CCDC82: variants seen among roughly 807,000 people sequenced by gnomAD.
The protein encoded by CCDC82 is coiled-coil domain-containing protein 82.
A neutral mutation model predicts 60.6 loss-of-function variants in CCDC82; 47 were observed. The ratio of observed to expected loss-of-function variants is 0.77; its 90% CI spans 0.61 to 0.99. The LOEUF is 0.99. Ranked by LOEUF, CCDC82 falls within the 50% of genes least tolerant of loss-of-function variation. The pLI, the probability that CCDC82 is intolerant of heterozygous loss-of-function variation, is 0.00. For synonymous variants in CCDC82, 212 were observed against 207.4 expected, an observed-to-expected ratio of 1.02 and a Z score of -0.19; for missense variants, 588 against 633.0, an observed-to-expected ratio of 0.93 and a Z score of 0.76.
intron 9 of CCDC82, 140 bp from the exon 10 acceptor site, chr11:96,353,854 T>C: frequency 1.7e-6 from 1 of 579,408 alleles, no homozygotes; most frequent in Non-Finnish European, 3.0e-6. Flanking sequence ...AAACAGGAAC[T>C]TAATTTCAAA....
chr11:96,374,423 C>T (rs1272653489), intron 5 of CCDC82, among the ~76,000 whole-genome samples: 1 of 152,150 alleles, frequency 6.6e-6, no homozygotes, highest in Non-Finnish European at 1.5e-5. Context: ...AACTCTCTTT[C>T]AGACTTTAGG....
intron 9 of CCDC82, chr11:96,356,848 T>C: frequency 3.0e-6 from 3 of 985,220 alleles, no homozygotes; most frequent in Non-Finnish European, 3.6e-6. Context: ...CCTGAGATAA[T>C]TAAAGTAAAA....
chr11:96,377,908 C>T (rs1057308927), intron 5 of CCDC82, among the ~76,000 whole-genome samples: 1 of 151,958 alleles, frequency 6.6e-6, no homozygotes, highest in South Asian at 2.1e-4. Flanking sequence ...TCTATAATAA[C>T]CTTGAATTCA....
intron 8 of CCDC82, chr11:96,363,109 C>G (rs185391937): frequency 2.0e-5 from 3 of 152,146 alleles, no homozygotes; most frequent in Middle Eastern, 3.4e-3. Flanking sequence ...GTGCCCGCCA[C>G]CTCTCTCGGC....
rs1864425665 is a variant in CCDC82 at position 96,357,846 on chromosome 11, G to A, written c.1566+1147C>T. On this transcript the variant is annotated intron_variant, in intron 9 of 9. Transcript: ENST00000646818. ...AAATGAAAAAGTACGGATAAGCAGG[G>A]AGAAGCATTTGGAGTAGGAGAAGTA... 3 of 985,280 alleles carry A rather than the reference G, an allele frequency of 3.0e-6. No individual in the cohort carries two copies. The South Asian group carries it at 1.4e-4, about 46-fold the overall frequency. The allele number at this position is 985,280 out of a possible 1,614,324, so 61.0% of individuals were successfully genotyped here.
At chr11:96,380,255 C>A (rs1865797284) in intron 5 of CCDC82, among the ~76,000 whole-genome samples, 1 of 151,574 alleles carries the variant, frequency 6.6e-6, no homozygotes, top group Non-Finnish European at 1.5e-5. Context: ...ATGGAACATG[C>A]CAACTCAAAG....
At chr11:96,378,940 T>G (rs992729463) in intron 5 of CCDC82, among the ~76,000 whole-genome samples, 1 of 151,994 alleles carries the variant, frequency 6.6e-6, no homozygotes, top group African/African-American at 2.4e-5. Context: ...AAATGGCAGA[T>G]AGGAAATTAC....
At chr11:96,361,591 T>C (rs988339059) in intron 8 of CCDC82, among the ~76,000 whole-genome samples, 1 of 152,200 alleles carries the variant, frequency 6.6e-6, no homozygotes, top group African/African-American at 2.4e-5. Flanking sequence ...ATGCAAAGGA[T>C]AGGTGTAATA....
At chr11:96,376,096 A>G (rs1865556545) in intron 5 of CCDC82, among the ~76,000 whole-genome samples, 3 of 152,222 alleles carry the variant, frequency 2.0e-5, no homozygotes, top group Admixed American at 6.5e-5. Flanking sequence ...GTGTTTATGC[A>G]TAACTTATTT....
At chr11:96,385,253 G>C (rs1349872417) in intron 3 of CCDC82, 1 of 152,418 alleles carries the variant, frequency 6.6e-6, no homozygotes, top group East Asian at 1.9e-4. Flanking sequence ...GAAAGAAAAA[G>C]GGATGTCAGG....
At chr11:96,361,192 C>A (rs2136081076) in intron 8 of CCDC82, among the ~76,000 whole-genome samples, 1 of 152,296 alleles carries the variant, frequency 6.6e-6, no homozygotes, top group East Asian at 1.9e-4. Flanking sequence ...TGGGAGAACT[C>A]AGCTATAGCT....
At chr11:96,369,962 A>G (rs1865174296) in intron 7 of CCDC82, among the ~76,000 whole-genome samples, 1 of 152,234 alleles carries the variant, frequency 6.6e-6, no homozygotes, top group Non-Finnish European at 1.5e-5. Flanking sequence ...ATTTCATTTC[A>G]CAATAGGTAA....
chr11:96,388,280 CAA>C (rs1866317786), intron 1 of CCDC82: 1 of 152,162 alleles, frequency 6.6e-6, no homozygotes, highest in South Asian at 2.1e-4. Context: ...AGAATCTACT[CAA>C]AAGAGAATCC....
intron 9 of CCDC82, chr11:96,353,937 T>A (rs1011035363): frequency 2.0e-5 from 7 of 356,030 alleles, no homozygotes; most frequent in Non-Finnish European, 1.0e-5. Context: ...AAAGTGAATA[T>A]TATTAATTTT....
chr11:96,353,678 C>T lies in CCDC82; in HGVS notation c.1603G>A (p.Asp535Asn), dbSNP rs775300811. The change falls in exon 10 of 10, where the codon GAT (aspartate) becomes AAT (asparagine). Residue 535 changes from aspartate to asparagine, a missense_variant. Coordinates refer to ENST00000646818, the MANE Select transcript of CCDC82 (RefSeq NM_024725.4). ...TCAAACTTCTCTTCTTGAAAGTAAT[C>T]CGCAAAATTGAGATATTCTTCAAGT... ...GQLEEYLNFA[D>N]YFQEEKFEL The T allele has an allele frequency of 7.4e-6, 12 of 1,610,738 alleles. No homozygotes were observed. Among genetic ancestry groups the T allele is most frequent in the Non-Finnish European group, 1.0e-5 (12 of 1,178,582 alleles).
At chr11:96,386,357 G>T (rs1866192733) in intron 2 of CCDC82, 64 bp from the exon 3 acceptor site, 1 of 152,178 alleles carries the variant, frequency 6.6e-6, no homozygotes, top group Admixed American at 6.6e-5. Flanking sequence ...TGTTTATACG[G>T]CAATAAGACT....
At chr11:96,368,823 G>A (rs566704838) in intron 7 of CCDC82, among the ~76,000 whole-genome samples, 4 of 148,922 alleles carry the variant, frequency 2.7e-5, no homozygotes, top group African/African-American at 9.9e-5. Flanking sequence ...CCGAGATTGC[G>A]CCACTGCACT....
At chr11:96,360,295 C>T (rs775327307) in intron 8 of CCDC82, among the ~76,000 whole-genome samples, 14 of 150,596 alleles carry the variant, frequency 9.3e-5, no homozygotes, top group Non-Finnish European at 1.6e-4. Flanking sequence ...CTCTACATTC[C>T]GGTTTCCCTG....
At position 96,373,412 on chromosome 11, in the gene CCDC82, G is replaced by C. The variant is rs1302558510; in HGVS notation, c.1047C>G (p.Ile349Met). The part of the protein sequence containing the change: ...HFERVVKALL[I>M]NALDESFLGT... ...CCAGAAAAGATTCATCTAAAGCGTT[G>C]ATCAGAAGAGCCTTCACAACTCTTT... Residue 349 changes from isoleucine (I) to methionine (M), a missense_variant, in exon 6 of 10, where the codon ATC becomes ATG. Physicochemically the swap from Ile to Met is conservative, Grantham distance 10. Coordinates refer to ENST00000646818, the MANE Select transcript of CCDC82 (RefSeq NM_024725.4). The C allele has an allele frequency of 1.9e-6, 3 of 1,609,232 alleles. No individual in the cohort carries two copies. Among genetic ancestry groups the C allele is most frequent in the South Asian group, 1.1e-5 (1 of 90,780 alleles).
Sources: gnomAD v4.1 joint callset for allele counts (sites outside exome capture counted in the v4.1 genomes callset) on GRCh38, gnomAD v4.1.1 for gene constraint, MANE v1.5 for transcripts, NCBI Gene and HGNC (gene_info 2026-07-23, HGNC 2026-07-21) for gene names.